The following DBN1 variants were observed in gnomAD, a reference collection of about 807,000 sequenced individuals.
DBN1 encodes the protein drebrin.
A neutral mutation model predicts 83.5 loss-of-function variants in DBN1; 21 were observed. That is an observed-to-expected ratio of 0.25 (90% confidence interval 0.18 to 0.36). The LOEUF is 0.36. Ranked by LOEUF, DBN1 falls within the 10% of genes least tolerant of loss-of-function variation. The pLI, the probability that DBN1 is intolerant of heterozygous loss-of-function variation, is 1.00. For missense variants in DBN1, 874 were observed against 935.7 expected, an observed-to-expected ratio of 0.93 and a Z score of 0.86; for synonymous variants, 381 against 384.9, an observed-to-expected ratio of 0.99 and a Z score of 0.12.
chr5:177,459,200 T>C lies in DBN1; in HGVS notation c.1162A>G (p.Ser388Gly). 6.2e-7 allele frequency: 1 copy of C among 1,611,214 alleles called. No homozygotes were observed. Among genetic ancestry groups the C allele is most frequent in the East Asian group, 2.2e-5 (1 of 44,732 alleles). The stretch of plus-strand genomic sequence containing the variant: ...TCAGCGACAGGGGTGGAGGCGGTGC[T>C]GGAGTCAGACGGGCTCCGCGTGGGG... ...PIPTRSPSDS[S>G]TASTPVAEQI... The change falls in exon 12 of 15, where the codon AGC (serine) becomes GGC (glycine). Residue 388 changes from serine (S) to glycine (G), a missense_variant. By Grantham distance (56) the Ser-to-Gly change is moderately conservative (BLOSUM62 0). Coordinates refer to ENST00000393565, the MANE Select transcript of DBN1 (RefSeq NM_001363541.2).
rs1218450853 is a variant in DBN1, at chr5:177,473,563, G to A, written c.-42C>T. The A allele has an allele frequency of 2.3e-6, 3 of 1,277,798 alleles. No homozygotes were observed. In the South Asian group the frequency reaches 5.7e-5, roughly 24 times the overall value. 79.2% of individuals were successfully genotyped at this position (1,277,798 alleles called of 1,614,324 possible). On this transcript the variant is annotated 5_prime_UTR_variant, in exon 1 of 15. Coordinates refer to ENST00000393565, the MANE Select transcript of DBN1 (RefSeq NM_001363541.2). ...GGCCGAACGGACAGACGCGCGGACG[G>A]ACGGGCGGACGGAGGAGGAGGGAGG...
Position 177,459,081 on chromosome 5 carries a change from T to C in DBN1, c.1264+17A>G. ...CTGATGATGGGAGGCCTGGTGCAGG[T>C]AGCATCCCTCTCTCACCTTGGGCTG... On this transcript the variant is annotated intron_variant, in intron 12 of 14. Coordinates refer to ENST00000393565, the MANE Select transcript of DBN1 (RefSeq NM_001363541.2). The C allele has an allele frequency of 6.3e-7, 1 of 1,591,844 alleles. No homozygotes were observed. The highest frequency in any genetic ancestry group is 8.5e-7 in the Non-Finnish European group (1 of 1,170,070).
rs941922162 is a variant in DBN1 at position 177,467,908 on chromosome 5, G to T, written c.256-91C>A. 65 of 1,496,764 alleles carry T rather than the reference G, an allele frequency of 4.3e-5. No homozygotes were observed. Among genetic ancestry groups the T allele is most frequent in the Non-Finnish European group, 6.0e-5 (65 of 1,081,404 alleles). The allele number at this position is 1,496,764 out of a possible 1,614,324, so 92.7% of individuals were successfully genotyped here. On this transcript the variant is annotated intron_variant, in intron 3 of 14. Transcript: ENST00000393565. The surrounding 1 kb of genome is among the most constrained non-coding windows in gnomAD (Gnocchi z 9.1). ...TCTTCCCCGGGGTGGGAAGAGGGTG[G>T]GCTTCCCTCTCCACGGGTGTCAGAG...
At chr5:177,472,930 C>T (rs1757954581) in intron 1 of DBN1, 2 of 679,198 alleles carry the variant, frequency 2.9e-6, no homozygotes, top group South Asian at 1.3e-4. Flanking sequence ...GGCCCCCAGC[C>T]CGCTCCGCTC....
intron 8 of DBN1, among the ~76,000 whole-genome samples, chr5:177,465,320 G>A (rs956248315): frequency 1.3e-5 from 2 of 152,196 alleles, no homozygotes; most frequent in Non-Finnish European, 2.9e-5. Context: ...AGTGAAATAA[G>A]CCACACGCAA....
At chr5:177,458,942 TACACCA>T (rs1406187141) in intron 12 of DBN1, among the ~76,000 whole-genome samples, 150 bp downstream of exon 12, 1 of 152,122 alleles carries the variant, frequency 6.6e-6, no homozygotes, top group East Asian at 1.9e-4. Context: ...GGTCTGACTG[TACACCA>T]GGGCTCCTCC....
chr5:177,461,161 G>T (rs1374332447), intron 8 of DBN1, among the ~76,000 whole-genome samples: 2 of 141,742 alleles, frequency 1.4e-5, no homozygotes, highest in East Asian at 4.1e-4. Flanking sequence ...TGCAGTGGCG[G>T]GATCTCGGCT....
chr5:177,464,544 G>C (rs748574422), intron 8 of DBN1, among the ~76,000 whole-genome samples: 1 of 151,776 alleles, frequency 6.6e-6, no homozygotes, highest in Non-Finnish European at 1.5e-5. Flanking sequence ...CAGATCATGA[G>C]GTTAAGAGAT....
rs72166670 is a variant in DBN1 at position 177,456,673 on chromosome 5, C to CAAAAAA, written c.*754_*759dup. Reference sequence around the variant, plus strand: ...ACCCGTTACAGAAGTTTGTGCTTTCCAAAAAAAAAAAAAAAAAAAAAAAAA... The same window carrying CAAAAAA: ...ACCCGTTACAGAAGTTTGTGCTTTCCAAAAAAAAAAAAAAAAAAAAAAAAAAAAAAA... On this transcript the variant is annotated 3_prime_UTR_variant, in exon 15 of 15. Coordinates refer to ENST00000393565, the MANE Select transcript of DBN1 (RefSeq NM_001363541.2). 3.1e-5 allele frequency: 2 copies of CAAAAAA among 65,160 alleles called. No homozygotes were observed. Among genetic ancestry groups the CAAAAAA allele is most frequent in the African/African-American group, 7.9e-5 (1 of 12,590 alleles). 4.0% of individuals were successfully genotyped at this position (65,160 alleles called of 1,614,324 possible).
intron 2 of DBN1, 110 bp from the exon 3 acceptor site, chr5:177,468,330 GT>G: frequency 1.1e-6 from 1 of 913,308 alleles, no homozygotes; most frequent in Non-Finnish European, 1.8e-6. Context: ...ACCCCCAGGG[GT>G]CTTCTGGCCT....
In DBN1 at chr5:177,459,167, C is replaced by G; in HGVS notation, c.1195G>C (p.Glu399Gln). Residue 399 changes from glutamate (E) to glutamine (Q), a missense_variant, in exon 12 of 15, where the codon GAG becomes CAG. By Grantham distance (29) the Glu-to-Gln change is conservative. Coordinates refer to ENST00000393565, the MANE Select transcript of DBN1 (RefSeq NM_001363541.2). ...TASTPVAEQI[E>Q]RALDEVTSSQ... ...GAGGTGACCTCATCCAGGGCCCGCT[C>G]TATCTGCTCAGCGACAGGGGTGGAG... The G allele has an allele frequency of 6.2e-7, 1 of 1,611,354 alleles. No individual in the cohort carries two copies. The highest frequency in any genetic ancestry group is 1.1e-5 in the South Asian group (1 of 90,918).
At position 177,466,538 on chromosome 5, in the gene DBN1, C is replaced by A. The variant is rs1757452470; in HGVS notation, c.771+234G>T. Among the ~76,000 whole-genome samples, 1 of 152,210 alleles carries A rather than the reference C, an allele frequency of 6.6e-6. No individual in the cohort carries two copies. The highest frequency in any genetic ancestry group is 2.1e-4 in the South Asian group (1 of 4,836). On this transcript the variant is annotated intron_variant, in intron 8 of 14. Coordinates refer to ENST00000393565, the MANE Select transcript of DBN1 (RefSeq NM_001363541.2). This position sits in a 1 kb window ranked among gnomAD's most constrained non-coding sequence, Gnocchi z 4.8. ...GAGGGTCTGGGTCTAGATGGAGTTTCTCTTCCAATCTAGAGCACAAGCTTC... is the reference window on the plus strand; with the variant it reads ...GAGGGTCTGGGTCTAGATGGAGTTTATCTTCCAATCTAGAGCACAAGCTTC...
intron 13 of DBN1, 73 bp downstream of exon 13, chr5:177,457,985 A>G (rs1405147458): frequency 2.5e-6 from 4 of 1,585,714 alleles, no homozygotes; most frequent in South Asian, 2.2e-5. Context: ...TGCAAGCATG[A>G]GGAATGCAGG....
At position 177,468,287 on chromosome 5, in the gene DBN1, T is replaced by C; in HGVS notation, c.143-67A>G. ...ACCCTTCCCAAAAAGAGCCTGGAAC[T>C]CAAAGCAAAGACTCCTCCAGGCCTC... On this transcript the variant is annotated intron_variant, in intron 2 of 14. Transcript: ENST00000393565. The C allele has an allele frequency of 2.7e-6, 4 of 1,458,442 alleles. No homozygotes were observed. In the Admixed American group the frequency reaches 6.8e-5, roughly 25 times the overall value. The allele number at this position is 1,458,442 out of a possible 1,614,324, so 90.3% of individuals were successfully genotyped here.
At chr5:177,468,330 G>T in intron 2 of DBN1, 110 bp from the exon 3 acceptor site, 1 of 913,316 alleles carries the variant, frequency 1.1e-6, no homozygotes, top group Non-Finnish European at 1.8e-6. Flanking sequence ...ACCCCCAGGG[G>T]TCTTCTGGCC....
intron 1 of DBN1, chr5:177,472,070 G>C: frequency 6.3e-7 from 1 of 1,581,890 alleles, no homozygotes; most frequent in Non-Finnish European, 8.6e-7. Flanking sequence ...TGGGACAATG[G>C]GTGGGCCGCC....
intron 8 of DBN1, among the ~76,000 whole-genome samples, chr5:177,463,638 A>C (rs574162697): frequency 1.3e-5 from 2 of 152,234 alleles, no homozygotes; most frequent in Non-Finnish European, 2.9e-5. Context: ...TTGAAAGGGT[A>C]CCACACTGAC....
intron 2 of DBN1, 140 bp downstream of exon 2, chr5:177,468,704 G>T: frequency 2.0e-6 from 1 of 508,194 alleles, no homozygotes. Context: ...ATGACTGGAG[G>T]AAGGACACCC....
chr5:177,457,250 A>G lies in DBN1; in HGVS notation c.*183T>C. On this transcript the variant is annotated 3_prime_UTR_variant, in exon 15 of 15. Transcript: ENST00000393565. ...CAAGTCTCCTATCAACTTTTTAAAA[A>G]AAGAGAAAAGCTGTAAAAGTCAGGC... is the stretch of plus-strand genomic sequence containing the variant. 1.6e-6 allele frequency: 1 copy of G among 615,456 alleles called. No individual in the cohort carries two copies. Among genetic ancestry groups the G allele is most frequent in the South Asian group, 1.9e-5 (1 of 52,380 alleles). 38.1% of individuals were successfully genotyped at this position (615,456 alleles called of 1,614,324 possible).
Sources: gnomAD v4.1 joint callset for allele counts (sites outside exome capture counted in the v4.1 genomes callset) on GRCh38, gnomAD v4.1.1 for gene constraint, Gnocchi (gnomAD v3.1) non-coding constraint, MANE v1.5 for transcripts, NCBI Gene and HGNC (gene_info 2026-07-23, HGNC 2026-07-21) for gene names.